Variants in SEC23A observed in about 807,000 individuals in gnomAD.
SEC23A encodes the protein protein transport protein Sec23A.
A neutral mutation model predicts 103.7 loss-of-function variants in SEC23A; 56 were observed. That is an observed-to-expected ratio of 0.54 (90% CI 0.44 to 0.67). SEC23A has a LOEUF of 0.67. SEC23A is among the 30% of genes least tolerant of loss of function. The pLI is 0.00. For missense variants in SEC23A, 784 were observed against 936.4 expected (o/e 0.84, Z 2.12); for synonymous variants, 281 against 293.0 (o/e 0.96, Z 0.42).
In SEC23A at chr14:39,055,304, C is replaced by T. The variant is rs754636389; in HGVS notation, c.1506-8G>A. The T allele has an allele frequency of 1.8e-5, 29 of 1,612,654 alleles. No individual in the cohort carries two copies. The Admixed American group carries it at 4.3e-4, about 24-fold the overall frequency. ...GTTTGAGCATCTGCCCAGCTGAAGA[C>T]AATAAGAAAGCATAGAAATGCTTCT... On this transcript the variant is annotated splice_region_variant and splice_polypyrimidine_tract_variant and intron_variant, in intron 13 of 19. Coordinates refer to ENST00000307712, the MANE Select transcript of SEC23A (RefSeq NM_006364.4).
chr14:39,077,630 A>C (rs1887081796), intron 7 of SEC23A, among the ~76,000 whole-genome samples: 1 of 152,196 alleles, frequency 6.6e-6, no homozygotes, highest in Admixed American at 6.5e-5. Flanking sequence ...AGTCCAAGTT[A>C]ATGGATTGAA....
intron 5 of SEC23A, chr14:39,088,708 G>A (rs572537298): frequency 4.5e-4 from 69 of 151,948 alleles, no homozygotes; most frequent in Middle Eastern, 6.8e-3. Context: ...ACTCCAGCCC[G>A]GGTGACAGAG....
chr14:39,094,428 ATATATATATATATATTTTT>A lies in SEC23A; in HGVS notation c.222-1203_222-1185del, dbSNP rs1202398896. ...TATATATATATATATATATATATATATATATATATATATATTTTTTTTTTTTTTTTTTCCCCTCCTGTAG... is the reference window on the plus strand; with the variant it reads ...TATATATATATATATATATATATATATTTTTTTTTTTTTCCCCTCCTGTAG... On this transcript the variant is annotated intron_variant, in intron 2 of 19. Transcript: ENST00000307712. 6.6e-4 allele frequency among the ~76,000 whole-genome samples: 31 copies of A among 46,654 alleles called. 5 individuals carry two copies. The highest frequency in any genetic ancestry group is 4.8e-3 in the African/African-American group (29 of 6,056). 30.6% of individuals were successfully genotyped at this position (46,654 alleles called of 152,430 possible).
At position 39,055,261 on chromosome 14, in the gene SEC23A, G is replaced by A; in HGVS notation, c.1541C>T (p.Ala514Val). The change falls in exon 14 of 20, where the codon GCT (alanine) becomes GTT (valine). Residue 514 changes from alanine to valine, a missense_variant. By Grantham distance (64) the Ala-to-Val change is moderately conservative. Transcript: ENST00000307712. ...ADAQTQIQNI[A>V]ASFDQEAAAI... ...AGCTGCCTCCTGGTCAAAAGATGCA[G>A]CAATGTTTTGGATTTGAGTTTGAGC... 1 of 1,614,146 alleles carries A rather than the reference G, an allele frequency of 6.2e-7. No homozygotes were observed.
chr14:39,048,451 CAA>C (rs56258100), intron 15 of SEC23A, among the ~76,000 whole-genome samples, 199 bp downstream of exon 15: 3 of 141,436 alleles, frequency 2.1e-5, no homozygotes, highest in African/African-American at 2.6e-5. Flanking sequence ...CCATCCCTAC[CAA>C]AAAAAAAAAA....
intron 9 of SEC23A, among the ~76,000 whole-genome samples, chr14:39,070,594 A>C (rs963411400): frequency 6.6e-6 from 1 of 152,258 alleles, no homozygotes; most frequent in Non-Finnish European, 1.5e-5. Context: ...CATATTAATA[A>C]GGACAAAAGT....
At chr14:39,076,926 C>T (rs1273335690) in intron 7 of SEC23A, among the ~76,000 whole-genome samples, 1 of 108,890 alleles carries the variant, frequency 9.2e-6, no homozygotes, top group Non-Finnish European at 1.9e-5. Context: ...GACTCCGTCT[C>T]AAAAAAAAAA....
chr14:39,094,712 T>G (rs1208882095), intron 2 of SEC23A, among the ~76,000 whole-genome samples: 1 of 151,882 alleles, frequency 6.6e-6, no homozygotes, highest in African/African-American at 2.4e-5. Context: ...TACGAAAATA[T>G]GGAGACAGAA....
chr14:39,066,029 A>C (rs1415383735), intron 10 of SEC23A, among the ~76,000 whole-genome samples: 7 of 139,860 alleles, frequency 5.0e-5, no homozygotes, highest in East Asian at 2.2e-4. Context: ...AAAAAAAAAA[A>C]AAAACTATAA....
At position 39,094,387 on chromosome 14, in the gene SEC23A, CACACACACACATATATATATAT is replaced by C. The variant is rs1285763933; in HGVS notation, c.222-1165_222-1144del. Among the ~76,000 whole-genome samples, 17 of 53,294 alleles carry C rather than the reference CACACACACACATATATATATAT, an allele frequency of 3.2e-4. 2 individuals are homozygous for C. Among genetic ancestry groups the C allele is most frequent in the African/African-American group, 6.6e-4 (10 of 15,232 alleles). 35.0% of individuals were successfully genotyped at this position (53,294 alleles called of 152,430 possible). A position where few individuals can be genotyped will look rare whatever the true frequency, so the allele number is the denominator to read the frequency against. On this transcript the variant is annotated intron_variant, in intron 2 of 19. Coordinates refer to ENST00000307712, the MANE Select transcript of SEC23A (RefSeq NM_006364.4). ...ACATATATATATACACACACACACACACACACACACATATATATATATATATATATATATATATATATATATA... is the reference window on the plus strand; with the variant it reads ...ACATATATATATACACACACACACACATATATATATATATATATATATATA...
intron 1 of SEC23A, among the ~76,000 whole-genome samples, chr14:39,102,717 C>T (rs1190200166): frequency 6.7e-6 from 1 of 149,164 alleles, no homozygotes; most frequent in African/African-American, 2.5e-5. Context: ...GGCCCAGAGG[C>T]GATGATGGAC....
chr14:39,067,822 A>G (rs1324272472), intron 9 of SEC23A, among the ~76,000 whole-genome samples: 1 of 151,810 alleles, frequency 6.6e-6, no homozygotes, highest in Non-Finnish European at 1.5e-5. Flanking sequence ...GGTTGCACCA[A>G]CACGCCCAGC....
intron 14 of SEC23A, among the ~76,000 whole-genome samples, chr14:39,054,531 C>T (rs1886176765): frequency 6.6e-6 from 1 of 152,136 alleles, no homozygotes. Context: ...AATGCAGCAG[C>T]ACAATCACAG....
In SEC23A at chr14:39,038,050, C is replaced by G. The variant is rs181811243; in HGVS notation, c.2208+981G>C. ...TACTTACCAAATAAATACTCAACTT[C>G]TCACTCCTCAACCTGACATTCAAGA... On this transcript the variant is annotated intron_variant, in intron 19 of 19. Coordinates refer to ENST00000307712, the MANE Select transcript of SEC23A (RefSeq NM_006364.4). 9.8e-5 allele frequency among the ~76,000 whole-genome samples: 15 copies of G among 152,314 alleles called. No homozygotes were observed. In the East Asian group the frequency reaches 2.5e-3, roughly 25 times the overall value.
At chr14:39,097,548 C>G (rs1409887714) in intron 1 of SEC23A, among the ~76,000 whole-genome samples, 2 of 152,112 alleles carry the variant, frequency 1.3e-5, no homozygotes, top group Non-Finnish European at 2.9e-5. Context: ...GAAAATCTTT[C>G]AAATAAATTT....
At chr14:39,094,801 G>A in intron 2 of SEC23A, 1 of 524,018 alleles carries the variant, frequency 1.9e-6, no homozygotes, top group Non-Finnish European at 3.3e-6. Flanking sequence ...TCAGAAAGAG[G>A]GTAACAGGGT....
chr14:39,067,399 A>T lies in SEC23A; in HGVS notation c.1104-103T>A. On this transcript the variant is annotated intron_variant, in intron 9 of 19. Coordinates refer to ENST00000307712, the MANE Select transcript of SEC23A (RefSeq NM_006364.4). ...CCTCTCAAAACTACCAATAAATTTT[A>T]AAGATATTTCCCAAAATGTGCTGTA... 3 of 1,304,356 alleles carry T rather than the reference A, an allele frequency of 2.3e-6. No individual in the cohort carries two copies. In the South Asian group the frequency reaches 3.8e-5, roughly 16 times the overall value. 80.8% of individuals were successfully genotyped at this position (1,304,356 alleles called of 1,614,324 possible). A position where few individuals can be genotyped will look rare whatever the true frequency, so the allele number is the denominator to read the frequency against.
At chr14:39,060,053 T>C (rs1323398752) in intron 13 of SEC23A, among the ~76,000 whole-genome samples, 1 of 152,036 alleles carries the variant, frequency 6.6e-6, no homozygotes, top group Non-Finnish European at 1.5e-5. Flanking sequence ...GGTATGTCGT[T>C]GTTTCCTTAA....
At chr14:39,056,417 G>A (rs1303368001) in intron 13 of SEC23A, among the ~76,000 whole-genome samples, 2 of 151,842 alleles carry the variant, frequency 1.3e-5, no homozygotes, top group African/African-American at 4.8e-5. Context: ...ACAGGCGTGA[G>A]CCACCACGCC....
Sources: allele counts gnomAD v4.1 joint callset (sites outside exome capture counted in the v4.1 genomes callset), GRCh38; gene constraint gnomAD v4.1.1; transcripts MANE v1.5; gene names NCBI Gene and HGNC (gene_info 2026-07-23, HGNC 2026-07-21).